DLG2: variants seen among roughly 807,000 people sequenced by gnomAD.
The protein encoded by DLG2 is discs large MAGUK scaffold protein 2, also known as disks large homolog 2.
DLG2 carries 45 observed loss-of-function variants against 132.5 expected under a neutral mutation model. The observed-to-expected ratio is 0.34, with a 90% confidence interval of 0.27 to 0.44. The LOEUF (loss-of-function observed/expected upper bound fraction) is 0.44. Ranked by LOEUF, DLG2 falls within the 20% of genes least tolerant of loss-of-function variation. The pLI is 1.00. For synonymous variants in DLG2, 424 were observed against 419.6 expected (o/e 1.01, Z -0.13); for missense variants, 1,045 against 1,196.9 (o/e 0.87, Z 1.87).
intron 7 of DLG2, among the ~76,000 whole-genome samples, chr11:84,338,256 T>C (rs937132192): frequency 6.6e-6 from 1 of 152,214 alleles, no homozygotes; most frequent in African/African-American, 2.4e-5. Flanking sequence ...CTCTTTTCTT[T>C]AACATCTACC....
chr11:84,904,049 T>G (rs1038805028), intron 6 of DLG2, among the ~76,000 whole-genome samples: 1 of 152,154 alleles, frequency 6.6e-6, no homozygotes, highest in Non-Finnish European at 1.5e-5. Context: ...AACACTGAGA[T>G]AAAAGTTTTA....
intron 4 of DLG2, among the ~76,000 whole-genome samples, chr11:85,271,016 A>T (rs2077496827): frequency 6.6e-6 from 1 of 152,212 alleles, no homozygotes; most frequent in Non-Finnish European, 1.5e-5. Flanking sequence ...ATGAGGAGCT[A>T]AATGTTAATC....
intron 6 of DLG2, among the ~76,000 whole-genome samples, chr11:84,647,625 C>A (rs1249599615): frequency 6.6e-6 from 1 of 152,116 alleles, no homozygotes; most frequent in East Asian, 1.9e-4. Context: ...AGTCAGGTAG[C>A]CATTAGATCA....
chr11:85,431,416 G>T (rs1223812446), intron 3 of DLG2, among the ~76,000 whole-genome samples: 1 of 152,212 alleles, frequency 6.6e-6, no homozygotes, highest in African/African-American at 2.4e-5. Flanking sequence ...CCATGGATCA[G>T]AAGATCCCAC....
At chr11:84,874,288 T>C (rs1012854562) in intron 6 of DLG2, among the ~76,000 whole-genome samples, 1 of 152,096 alleles carries the variant, frequency 6.6e-6, no homozygotes, top group Non-Finnish European at 1.5e-5. Flanking sequence ...AAGCTGACAA[T>C]AGAATAAAAG....
chr11:83,522,585 A>G (rs1452712065), intron 21 of DLG2, among the ~76,000 whole-genome samples: 1 of 152,116 alleles, frequency 6.6e-6, no homozygotes, highest in South Asian at 2.1e-4. Flanking sequence ...CTAATACACC[A>G]TGTTCTTTCT....
chr11:84,315,663 G>A (rs1425137783), intron 7 of DLG2, among the ~76,000 whole-genome samples: 1 of 152,076 alleles, frequency 6.6e-6, no homozygotes, highest in East Asian at 1.9e-4. Flanking sequence ...AAATGGTAAT[G>A]TATTTTTTAT....
chr11:84,524,512 CA>C (rs1365733471), intron 7 of DLG2, among the ~76,000 whole-genome samples: 4 of 152,212 alleles, frequency 2.6e-5, no homozygotes, highest in Admixed American at 6.5e-5. Flanking sequence ...TCCTGGAACA[CA>C]ATGTGCTGTG....
chr11:85,238,149 A>G (rs1350962488), intron 4 of DLG2, among the ~76,000 whole-genome samples: 5 of 151,222 alleles, frequency 3.3e-5, no homozygotes, highest in Non-Finnish European at 5.9e-5. Context: ...TCTGCTGCCT[A>G]TTGGTCAGAG....
intron 7 of DLG2, among the ~76,000 whole-genome samples, chr11:84,499,650 A>G (rs1487710132): frequency 6.6e-6 from 1 of 152,188 alleles, no homozygotes; most frequent in Non-Finnish European, 1.5e-5. Flanking sequence ...GACACTAAAT[A>G]TAAATATTTG....
intron 18 of DLG2, among the ~76,000 whole-genome samples, chr11:83,698,054 G>C (rs1274886623): frequency 6.6e-6 from 1 of 152,160 alleles, no homozygotes; most frequent in Non-Finnish European, 1.5e-5. Context: ...TACAAACTTG[G>C]ATAAGTCATT....
chr11:85,566,355 T>A (rs1433993599), intron 3 of DLG2, among the ~76,000 whole-genome samples: 1 of 152,116 alleles, frequency 6.6e-6, no homozygotes, highest in African/African-American at 2.4e-5. Context: ...TTCTTTCTTT[T>A]CCTGCTTGTG....
chr11:84,832,305 G>T (rs2079143676), intron 6 of DLG2, among the ~76,000 whole-genome samples: 2 of 151,624 alleles, frequency 1.3e-5, no homozygotes, highest in South Asian at 2.1e-4. Context: ...TTGTAAGACT[G>T]ATTTAGGTTC....
chr11:84,629,565 G>C (rs571772227), intron 6 of DLG2, among the ~76,000 whole-genome samples: 1 of 152,212 alleles, frequency 6.6e-6, no homozygotes, highest in Non-Finnish European at 1.5e-5. Context: ...AAACTTTGAA[G>C]AGTTCAAGTT....
intron 6 of DLG2, among the ~76,000 whole-genome samples, chr11:84,612,796 T>G (rs147015912): frequency 1.2e-4 from 18 of 152,308 alleles, no homozygotes; most frequent in African/African-American, 3.9e-4. Flanking sequence ...AGATAATTTT[T>G]ATTGGTTCAA....
chr11:84,729,121 T>C (rs555510167), intron 6 of DLG2, among the ~76,000 whole-genome samples: 9 of 152,298 alleles, frequency 5.9e-5, no homozygotes, highest in Admixed American at 1.3e-4. Context: ...TTTCTTGTCT[T>C]CTGCTAGATT....
At chr11:84,443,211 G>A (rs903922629) in intron 7 of DLG2, among the ~76,000 whole-genome samples, 2 of 152,112 alleles carry the variant, frequency 1.3e-5, no homozygotes, top group African/African-American at 4.8e-5. Flanking sequence ...CATCAGAAAT[G>A]TAAAGAACCT....
At chr11:84,669,008 G>A (rs1304859362) in intron 6 of DLG2, among the ~76,000 whole-genome samples, 1 of 152,072 alleles carries the variant, frequency 6.6e-6, no homozygotes, top group Non-Finnish European at 1.5e-5. Flanking sequence ...CAAATTGGGG[G>A]AGTATATAGT....
At chr11:85,525,950 A>G (rs1322567989) in intron 3 of DLG2, among the ~76,000 whole-genome samples, 1 of 152,180 alleles carries the variant, frequency 6.6e-6, no homozygotes, top group Non-Finnish European at 1.5e-5. Context: ...GAACGAGAGG[A>G]AACTATCTGA....
Sources: gnomAD v4.1 joint callset for allele counts (sites outside exome capture counted in the v4.1 genomes callset) on GRCh38, gnomAD v4.1.1 for gene constraint, MANE v1.5 for transcripts, NCBI Gene and HGNC (gene_info 2026-07-23, HGNC 2026-07-21) for gene names.